Variants in RSPH6A observed in about 807,000 individuals in gnomAD.
The protein encoded by RSPH6A is radial spoke head protein 6 homolog A.
Under a neutral mutation model 66.1 loss-of-function variants are expected in RSPH6A, and 49 were observed. That is an observed-to-expected ratio of 0.74 (90% confidence interval 0.59 to 0.94). The LOEUF (loss-of-function observed/expected upper bound fraction) is 0.94. Among genes scored for constraint, RSPH6A ranks in the 40% least tolerant of loss-of-function variants. The pLI is 0.00. For missense variants in RSPH6A, 977 were observed against 948.3 expected, an observed-to-expected ratio of 1.03 and a Z score of -0.40; for synonymous variants, 419 against 402.4, an observed-to-expected ratio of 1.04 and a Z score of -0.49.
At chr19:45,812,103 T>G (rs992453372) in intron 1 of RSPH6A, among the ~76,000 whole-genome samples, 11 of 150,964 alleles carry the variant, frequency 7.3e-5, no homozygotes, top group Non-Finnish European at 1.3e-4. Flanking sequence ...TTTTGTATTT[T>G]TTTTTTGAGA....
At chr19:45,798,462 G>T (rs112019695) in intron 5 of RSPH6A, among the ~76,000 whole-genome samples, 3,612 of 150,996 alleles carry the variant, frequency 0.024, 143 homozygotes, top group African/African-American at 0.084. Context: ...ATTGCTTGAG[G>T]CCAGGAGGTG....
At chr19:45,801,913 AAGGTTT>A (rs1970478882) in intron 4 of RSPH6A, among the ~76,000 whole-genome samples, 1 of 152,116 alleles carries the variant, frequency 6.6e-6, no homozygotes, top group South Asian at 2.1e-4. Context: ...GCCATATCCT[AAGGTTT>A]AGGCCATTGC....
chr19:45,806,670 CAAAAAAAAAAAAAAAAAAAAA>C (rs71175223), intron 2 of RSPH6A, among the ~76,000 whole-genome samples: 9 of 29,128 alleles, frequency 3.1e-4, no homozygotes, highest in South Asian at 5.2e-3. Flanking sequence ...GACTCTGTCT[CAAAAAAAAAAAAAAAAAAAAA>C]AAAAAAAAAA....
At chr19:45,806,521 A>G (rs751215342) in intron 2 of RSPH6A, among the ~76,000 whole-genome samples, 4 of 151,602 alleles carry the variant, frequency 2.6e-5, no homozygotes, top group Non-Finnish European at 5.9e-5. Context: ...AAATACAAAA[A>G]TTAGCTGGGT....
chr19:45,814,451 G>A (rs74450753), intron 1 of RSPH6A, 76 bp downstream of exon 1: 2 of 1,354,584 alleles, frequency 1.5e-6, no homozygotes, highest in Admixed American at 2.7e-5. Flanking sequence ...TTGTCTGACT[G>A]ACTGAGGCAG....
At chr19:45,801,392 C>T (rs1461910765) in intron 4 of RSPH6A, among the ~76,000 whole-genome samples, 1 of 152,218 alleles carries the variant, frequency 6.6e-6, no homozygotes, top group East Asian at 1.9e-4. Context: ...CCCTGGCCCA[C>T]TCCTAGCCTC....
Position 45,802,266 on chromosome 19 carries a change from T to TG in RSPH6A, c.1654-3dup, listed in dbSNP as rs748782606. 1 of 1,381,498 alleles carries TG rather than the reference T, an allele frequency of 7.2e-7. No homozygotes were observed. The highest frequency in any genetic ancestry group is 9.5e-7 in the Non-Finnish European group (1 of 1,051,992). 85.6% of individuals were successfully genotyped at this position (1,381,498 alleles called of 1,614,324 possible). A position where few individuals can be genotyped will look rare whatever the true frequency, so the allele number is the denominator to read the frequency against. On this transcript the variant is annotated splice_polypyrimidine_tract_variant and splice_region_variant and intron_variant, in intron 3 of 5. Coordinates refer to ENST00000221538, the MANE Select transcript of RSPH6A (RefSeq NM_030785.4). ...AGGGTTCACCCAAGTGCAGCGGCCC[T>TG]GGGGGTGGGGGGAAGCTCAGGTGAT...
intron 1 of RSPH6A, 46 bp downstream of exon 1, chr19:45,814,481 T>C (rs1600482193): frequency 6.9e-7 from 1 of 1,444,724 alleles, no homozygotes. Flanking sequence ...GTGGGGCCCC[T>C]CCCTGCCTGG....
At chr19:45,803,257 G>A (rs958712450) in intron 3 of RSPH6A, among the ~76,000 whole-genome samples, 8 of 150,678 alleles carry the variant, frequency 5.3e-5, no homozygotes, top group African/African-American at 2.0e-4. Flanking sequence ...GTATGTGCCT[G>A]TAGTCCTAAC....
chr19:45,808,748 G>A (rs1200047146), intron 2 of RSPH6A, among the ~76,000 whole-genome samples: 1 of 130,136 alleles, frequency 7.7e-6, no homozygotes, highest in Non-Finnish European at 1.6e-5. Flanking sequence ...TGCAAGCTCC[G>A]CCTCCTGGGT....
intron 4 of RSPH6A, among the ~76,000 whole-genome samples, chr19:45,800,799 T>A (rs74174209): frequency 1.5e-5 from 1 of 65,216 alleles, no homozygotes; most frequent in Admixed American, 1.3e-4. Context: ...CTCGCTCTCT[T>A]TTTTTTTTTT....
rs573882303 is a variant in RSPH6A at position 45,809,579 on chromosome 19, C to T, written c.888+1024G>A. On this transcript the variant is annotated intron_variant, in intron 2 of 5. Transcript: ENST00000221538. ...CCTCCCAAAGTGCTGGGATTACAGG[C>T]GTGAGCCACCGTGCCCGGCTAGTCA... Among the ~76,000 whole-genome samples the T allele has an allele frequency of 9.5e-4, 144 of 151,924 alleles. 3 individuals carry two copies. Among genetic ancestry groups the T allele is most frequent in the South Asian group, 6.4e-3 (31 of 4,810 alleles).
chr19:45,810,735 G>A lies in RSPH6A; in HGVS notation c.756C>T (p.Phe252=). Residue 252 remains phenylalanine (F), a synonymous_variant, in exon 2 of 6, where the codon TTC becomes TTT. Coordinates refer to ENST00000221538, the MANE Select transcript of RSPH6A (RefSeq NM_030785.4). ...CCCGCAGCGTGTCCAGCTTGGGGTG[G>A]AACCACTCCCACTGCGTGGTGCGGT... ...SLNRTTQWEW[F]HPKLDTLRDD... The A allele has an allele frequency of 6.2e-7, 1 of 1,614,122 alleles. No individual in the cohort carries two copies. The highest frequency in any genetic ancestry group is 1.1e-5 in the South Asian group (1 of 91,066).
At chr19:45,808,324 G>A (rs1484180508) in intron 2 of RSPH6A, among the ~76,000 whole-genome samples, 1 of 152,204 alleles carries the variant, frequency 6.6e-6, no homozygotes. Context: ...CTACTCGGGA[G>A]GCTGAGGCAG....
At chr19:45,801,586 C>A (rs1358379008) in intron 4 of RSPH6A, among the ~76,000 whole-genome samples, 1 of 152,166 alleles carries the variant, frequency 6.6e-6, no homozygotes, top group Non-Finnish European at 1.5e-5. Context: ...CATGGTGAAA[C>A]CCCATCTCCA....
In RSPH6A at chr19:45,811,715, C is replaced by T. The variant is rs956188956; in HGVS notation, c.651-875G>A. On this transcript the variant is annotated intron_variant, in intron 1 of 5. Coordinates refer to ENST00000221538, the MANE Select transcript of RSPH6A (RefSeq NM_030785.4). ...CCTCCCAAAGTGTTGGGATTACAGG[C>T]GTGAGCCACCGCACCTGGCCAACAT... 8.1e-5 allele frequency among the ~76,000 whole-genome samples: 12 copies of T among 148,184 alleles called. 1 individual carries two copies. The highest frequency in any genetic ancestry group is 1.6e-4 in the Non-Finnish European group (11 of 67,308).
At chr19:45,799,845 G>C (rs1175831466) in intron 5 of RSPH6A, among the ~76,000 whole-genome samples, 1 of 152,198 alleles carries the variant, frequency 6.6e-6, no homozygotes, top group South Asian at 2.1e-4. Context: ...TCAGGAGTCT[G>C]AGACCAGCCT....
In RSPH6A at chr19:45,802,262, GC is replaced by G; in HGVS notation, c.1655del (p.Gly552AlafsTer6). 1 of 1,393,366 alleles carries G rather than the reference GC, an allele frequency of 7.2e-7. No individual in the cohort carries two copies. The highest frequency in any genetic ancestry group is 1.8e-5 in the South Asian group (1 of 57,012). The allele number at this position is 1,393,366 out of a possible 1,614,324, so 86.3% of individuals were successfully genotyped here. A position where few individuals can be genotyped will look rare whatever the true frequency, so the allele number is the denominator to read the frequency against. ...VHHTQHILPQ[G>X]RCTWVNPLQK... The stretch of plus-strand genomic sequence containing the variant: ...GCAAAGGGTTCACCCAAGTGCAGCG[GC>G]CCTGGGGGTGGGGGGAAGCTCAGGT... On this transcript the variant is annotated frameshift_variant and splice_region_variant, in exon 4 of 6. Transcript: ENST00000221538. LOFTEE classifies it high-confidence loss of function.
At chr19:45,805,048 G>A (rs771331386) in intron 2 of RSPH6A, 32 bp from the exon 3 acceptor site, 8 of 1,550,082 alleles carry the variant, frequency 5.2e-6, no homozygotes, top group Middle Eastern at 1.7e-4. Flanking sequence ...GCAGAGGGGA[G>A]AATGCTGAAG....
Sources: gnomAD v4.1 joint callset for allele counts (sites outside exome capture counted in the v4.1 genomes callset) on GRCh38, gnomAD v4.1.1 for gene constraint, MANE v1.5 for transcripts, NCBI Gene and HGNC (gene_info 2026-07-23, HGNC 2026-07-21) for gene names.